Variants in NLGN4X observed in about 807,000 individuals in gnomAD.
The protein encoded by NLGN4X is neuroligin-4, X-linked.
NLGN4X carries 3 observed loss-of-function variants against 40.3 expected under a neutral mutation model. The ratio of observed to expected loss-of-function variants is 0.07; its 90% CI spans 0.03 to 0.19. The LOEUF is 0.19. Ranked by LOEUF, NLGN4X falls within the 10% of genes least tolerant of loss-of-function variation. The pLI is 1.00. For synonymous variants in NLGN4X, 270 were observed against 306.8 expected (o/e 0.88, Z 1.25); for missense variants, 382 against 708.3 (o/e 0.54, Z 5.23).
chrX:6,116,565 G>A (rs9698537), intron 2 of NLGN4X, among the ~76,000 whole-genome samples: 1 of 53,472 alleles, frequency 1.9e-5, no homozygotes, highest in Non-Finnish European at 3.6e-5. Context: ...GTGATTCTTC[G>A]GCCTCAGCCC....
intron 1 of NLGN4X, among the ~76,000 whole-genome samples, chrX:6,221,089 T>C (rs910463532): frequency 1.9e-5 from 2 of 107,138 alleles, no homozygotes; most frequent in Non-Finnish European, 3.8e-5. Flanking sequence ...TATTTATTTA[T>C]TTATTTATTT....
chrX:5,898,472 T>C (rs2031649418), intron 5 of NLGN4X, among the ~76,000 whole-genome samples: 2 of 110,702 alleles, frequency 1.8e-5, no homozygotes, highest in Admixed American at 9.7e-5. Context: ...CCTTCAAACC[T>C]AGACTAAAGG....
At chrX:6,049,730 TG>T (rs34737559) in intron 2 of NLGN4X, among the ~76,000 whole-genome samples, 1,063 of 14,372 alleles carry the variant, frequency 0.074, 18 homozygotes, top group East Asian at 0.17. Flanking sequence ...AAAAATAAAA[TG>T]GGGGGGGGGG....
intron 3 of NLGN4X, among the ~76,000 whole-genome samples, chrX:5,992,652 G>A (rs1439319590): frequency 3.6e-5 from 4 of 111,204 alleles, no homozygotes; most frequent in Non-Finnish European, 7.5e-5. Flanking sequence ...ACAGTTCTTC[G>A]GGGTGTACAA....
chrX:5,918,560 T>C (rs1336069652), intron 3 of NLGN4X, among the ~76,000 whole-genome samples: 1 of 112,426 alleles, frequency 8.9e-6, no homozygotes, highest in Non-Finnish European at 1.9e-5. Context: ...GGGCAAATTA[T>C]GCATGTATTG....
At chrX:5,941,148 G>C (rs1418822089) in intron 3 of NLGN4X, among the ~76,000 whole-genome samples, 1 of 89,287 alleles carries the variant, frequency 1.1e-5, no homozygotes, top group Non-Finnish European at 2.2e-5. Context: ...AAAAAAAAAA[G>C]ATAAAACGTT....
chrX:6,116,233 C>A (rs1231147379), intron 2 of NLGN4X, among the ~76,000 whole-genome samples: 1 of 79,428 alleles, frequency 1.3e-5, no homozygotes, highest in Non-Finnish European at 2.2e-5. Context: ...GCAGAGTTTG[C>A]AGTGAGCCAA....
In NLGN4X at chrX:6,136,156, G is replaced by A. The variant is rs1022731306; in HGVS notation, c.472+14839C>T. On this transcript the variant is annotated intron_variant, in intron 2 of 5. Transcript: ENST00000381095. Reference sequence around the variant, plus strand: ...TGCAATGGTGCTATCATAGCTCACTGCAGCCTCGACCTCCTGACCTCAAGC... The same window carrying A: ...TGCAATGGTGCTATCATAGCTCACTACAGCCTCGACCTCCTGACCTCAAGC... Among the ~76,000 whole-genome samples the A allele has an allele frequency of 2.0e-4, 22 of 111,929 alleles. 1 individual carries two copies. Among genetic ancestry groups the A allele is most frequent in the African/African-American group, 6.8e-4 (21 of 30,789 alleles).
chrX:6,025,733 G>A (rs993809721), intron 3 of NLGN4X, among the ~76,000 whole-genome samples: 1 of 109,616 alleles, frequency 9.1e-6, no homozygotes, highest in Admixed American at 9.8e-5. Context: ...GCAAAACCCC[G>A]TCTCTACTAA....
intron 1 of NLGN4X, among the ~76,000 whole-genome samples, chrX:6,177,317 C>A (rs747236609): frequency 6.3e-5 from 7 of 111,014 alleles, no homozygotes; most frequent in Non-Finnish European, 1.3e-4. Context: ...CACCACCATG[C>A]CTGGCTAATT....
intron 3 of NLGN4X, among the ~76,000 whole-genome samples, chrX:6,010,650 T>G (rs2036230096): frequency 9.2e-6 from 1 of 108,613 alleles, no homozygotes; most frequent in South Asian, 4.0e-4. Flanking sequence ...GGTCTCAGCC[T>G]CCCAAGTAGC....
At chrX:5,910,042 T>C (rs757473306) in intron 3 of NLGN4X, among the ~76,000 whole-genome samples, 25 of 111,863 alleles carry the variant, frequency 2.2e-4, no homozygotes, top group African/African-American at 7.8e-4. Context: ...TCCTTAGTAG[T>C]TGAAAAATGG....
chrX:6,058,179 T>A (rs1053545560), intron 2 of NLGN4X, among the ~76,000 whole-genome samples: 1 of 107,298 alleles, frequency 9.3e-6, no homozygotes, highest in Non-Finnish European at 2.0e-5. Flanking sequence ...CACACACACA[T>A]GTTCATACAC....
intron 3 of NLGN4X, among the ~76,000 whole-genome samples, chrX:6,022,044 C>G (rs1028668251): frequency 2.7e-5 from 3 of 112,285 alleles, no homozygotes. Flanking sequence ...GCTTCTTTTA[C>G]GTCTCTACTT....
intron 3 of NLGN4X, chrX:5,991,516 T>A (rs1014754871): frequency 2.1e-5 from 11 of 516,572 alleles, no homozygotes; most frequent in Non-Finnish European, 3.9e-5. Context: ...AGCCAGTGTG[T>A]TTTCTGCTGA....
At chrX:5,921,435 G>GAGAGAGAGAGAGGGGAGA (rs56401350) in intron 3 of NLGN4X, among the ~76,000 whole-genome samples, 1 of 64,458 alleles carries the variant, frequency 1.6e-5, no homozygotes. Flanking sequence ...GAGAGAGAGA[G>GAGAGAGAGAGAGGGGAGA]GAGAGACAGA....
Position 5,982,954 on chromosome X carries a change from C to T in NLGN4X, c.625+46326G>A, listed in dbSNP as rs369754026. 1.6e-4 allele frequency among the ~76,000 whole-genome samples: 18 copies of T among 112,649 alleles called. No individual in the cohort carries two copies. The East Asian group carries it at 2.8e-3, about 18-fold the overall frequency. On this transcript the variant is annotated intron_variant, in intron 3 of 5. Transcript: ENST00000381095. Reference sequence around the variant, plus strand: ...CTAGATGCCCAGCACACAAAGCAGCCTTTGCCCTAGTGCACTGTTCCAATC... The same window carrying T: ...CTAGATGCCCAGCACACAAAGCAGCTTTTGCCCTAGTGCACTGTTCCAATC...
At chrX:5,948,458 T>C (rs2146935218) in intron 3 of NLGN4X, among the ~76,000 whole-genome samples, 1 of 112,359 alleles carries the variant, frequency 8.9e-6, no homozygotes, top group African/African-American at 3.2e-5. Flanking sequence ...TCATGACAAA[T>C]GTGTTCTTTG....
In NLGN4X at chrX:5,967,866, TAG is replaced by T. The variant is rs762899206; in HGVS notation, c.626-58629_626-58628del. Among the ~76,000 whole-genome samples, 6 of 111,167 alleles carry T rather than the reference TAG, an allele frequency of 5.4e-5. No homozygotes were observed. In the South Asian group the frequency reaches 2.3e-3, roughly 43 times the overall value. On this transcript the variant is annotated intron_variant, in intron 3 of 5. Coordinates refer to ENST00000381095, the MANE Select transcript of NLGN4X (RefSeq NM_181332.3). ...GCATCCTTTCTGCTCACCCTGCAGG[TAG>T]TGTGCAGTCCCTCCCCCATCATGGA...
Sources: gnomAD v4.1 joint callset for allele counts (sites outside exome capture counted in the v4.1 genomes callset) on GRCh38, gnomAD v4.1.1 for gene constraint, MANE v1.5 for transcripts, NCBI Gene and HGNC (gene_info 2026-07-23, HGNC 2026-07-21) for gene names.